The following AREL1 variants were observed in gnomAD, a reference collection of about 807,000 sequenced individuals.
AREL1 encodes apoptosis-resistant E3 ubiquitin protein ligase 1.
Under a neutral mutation model 99.0 loss-of-function variants are expected in AREL1, and 62 were observed. That is an observed-to-expected ratio of 0.63 (90% confidence interval 0.51 to 0.77). AREL1 has a LOEUF of 0.77. AREL1 is among the 30% of genes least tolerant of loss of function. The pLI is 0.00. For missense variants in AREL1, 879 were observed against 1,027.6 expected, an observed-to-expected ratio of 0.86 and a Z score of 1.98; for synonymous variants, 380 against 376.5, an observed-to-expected ratio of 1.01 and a Z score of -0.11.
chr14:74,680,214 A>C (rs529627500), intron 5 of AREL1, among the ~76,000 whole-genome samples: 74 of 149,794 alleles, frequency 4.9e-4, no homozygotes, highest in Non-Finnish European at 9.1e-4. Context: ...AAGAAAAGAA[A>C]AGAGAAAAGA....
chr14:74,678,368 C>G (rs747880282), intron 5 of AREL1: 21 of 343,866 alleles, frequency 6.1e-5, no homozygotes, highest in South Asian at 4.4e-4. Context: ...CACGGTGGTG[C>G]ACGCCTGTAG....
intron 16 of AREL1, 38 bp downstream of exon 16, chr14:74,667,427 T>A: frequency 6.2e-7 from 1 of 1,614,156 alleles, no homozygotes; most frequent in East Asian, 2.2e-5. Context: ...TGGATACAGG[T>A]ATTTTAACTT....
intron 1 of AREL1, chr14:74,698,776 CA>C (rs1566701155): frequency 4.2e-6 from 1 of 236,830 alleles, no homozygotes; most frequent in East Asian, 1.3e-4. Context: ...GTAATCCCAG[CA>C]CTTTGGGAGG....
chr14:74,676,575 C>T lies in AREL1; in HGVS notation c.651+8G>A. The T allele has an allele frequency of 6.2e-7, 1 of 1,611,642 alleles. No homozygotes were observed. Among genetic ancestry groups the T allele is most frequent in the Non-Finnish European group, 8.5e-7 (1 of 1,179,076 alleles). On this transcript the variant is annotated splice_region_variant and intron_variant, in intron 6 of 19. Transcript: ENST00000356357. ...CTAGCACACAGATAAAGAAGGGAGA[C>T]TGCTTACCTCATGAATGGACAAGGT...
intron 5 of AREL1, chr14:74,678,235 G>T (rs1338949143): frequency 2.2e-6 from 1 of 454,588 alleles, no homozygotes; most frequent in Admixed American, 2.4e-5. Flanking sequence ...CTTGGCTCAC[G>T]CCTGTAATCC....
chr14:74,676,970 T>C (rs1267495390), intron 5 of AREL1, among the ~76,000 whole-genome samples: 1 of 151,872 alleles, frequency 6.6e-6, no homozygotes, highest in Non-Finnish European at 1.5e-5. Context: ...AGAATTTTTT[T>C]TTGTATTTTT....
At chr14:74,708,226 A>G (rs1329992754) in intron 1 of AREL1, among the ~76,000 whole-genome samples, 2 of 152,216 alleles carry the variant, frequency 1.3e-5, no homozygotes, top group African/African-American at 4.8e-5. Flanking sequence ...TAAATTTAAA[A>G]TTATTCCACA....
chr14:74,681,581 T>C (rs976284714), intron 5 of AREL1, among the ~76,000 whole-genome samples: 2 of 152,016 alleles, frequency 1.3e-5, no homozygotes, highest in Admixed American at 6.6e-5. Flanking sequence ...GAGACCATCC[T>C]GGCCAACATG....
At chr14:74,666,271 C>T (rs912094537) in intron 17 of AREL1, among the ~76,000 whole-genome samples, 12 of 152,172 alleles carry the variant, frequency 7.9e-5, no homozygotes, top group African/African-American at 2.2e-4. Context: ...ATAGAAACTA[C>T]GGGAATTTAT....
chr14:74,699,606 A>G (rs546586831), intron 1 of AREL1, among the ~76,000 whole-genome samples: 1 of 152,330 alleles, frequency 6.6e-6, no homozygotes, highest in Non-Finnish European at 1.5e-5. Context: ...TAATATGTAT[A>G]TTATGTTCTG....
At chr14:74,664,959 TCAGAGAGACAA>T (rs2089180324) in intron 17 of AREL1, 34 bp from the exon 18 acceptor site, 1 of 1,583,022 alleles carries the variant, frequency 6.3e-7, no homozygotes, top group African/African-American at 1.4e-5. Flanking sequence ...ACTATGACAG[TCAGAGAGACAA>T]AGACCCAATA....
chr14:74,712,467 A>G (rs1000124777), intron 1 of AREL1, among the ~76,000 whole-genome samples: 3 of 152,218 alleles, frequency 2.0e-5, no homozygotes, highest in Non-Finnish European at 4.4e-5. Flanking sequence ...TCAAAGAAAA[A>G]AGCTACCTTT....
In AREL1 at chr14:74,661,276, T is replaced by C. The variant is rs1221312531; in HGVS notation, c.*2444A>G. 4.4e-6 allele frequency: 2 copies of C among 456,090 alleles called. No homozygotes were observed. The highest frequency in any genetic ancestry group is 2.0e-5 in the African/African-American group (1 of 50,054). The allele number at this position is 456,090 out of a possible 1,614,324, so 28.3% of individuals were successfully genotyped here. ...CTTAGTTCTTTTAAACATTTATTTATCTACTGTACAAAATATTTACATCAT... is the reference window on the plus strand; with the variant it reads ...CTTAGTTCTTTTAAACATTTATTTACCTACTGTACAAAATATTTACATCAT... On this transcript the variant is annotated 3_prime_UTR_variant, in exon 20 of 20. Transcript: ENST00000356357.
At chr14:74,670,509 A>G (rs553738666) in intron 13 of AREL1, 1 of 432,220 alleles carries the variant, frequency 2.3e-6, no homozygotes, top group East Asian at 3.7e-5. Context: ...TATTATAATA[A>G]TTAGTAGAGT....
Position 74,674,048 on chromosome 14 carries a change from A to G in AREL1, c.1144T>C (p.Cys382Arg). 2.5e-6 allele frequency: 4 copies of G among 1,613,088 alleles called. No homozygotes were observed. The highest frequency in any genetic ancestry group is 3.4e-6 in the Non-Finnish European group (4 of 1,179,134). The change falls in exon 9 of 20, where the codon TGT becomes CGT. Residue 382 changes from cysteine to arginine, a missense_variant. By Grantham distance (180) the Cys-to-Arg change is radical. Coordinates refer to ENST00000356357, the MANE Select transcript of AREL1 (RefSeq NM_001039479.2). The stretch of plus-strand genomic sequence containing the variant: ...GTTCAGCTTACTTTTGTTCCTGGAC[A>G]CACTCGGAAGGTGTAAAGGCGCCAG... ...IPWRLYTFRVCPGTKFSYLGP... is the reference protein window; with the variant it reads ...IPWRLYTFRVRPGTKFSYLGP...
At chr14:74,709,080 A>T (rs564605689) in intron 1 of AREL1, among the ~76,000 whole-genome samples, 8 of 152,358 alleles carry the variant, frequency 5.3e-5, no homozygotes. Context: ...CCTTCAAAGA[A>T]AAAGAAACCA....
At chr14:74,690,937 T>C (rs1347706247) in intron 2 of AREL1, 1 of 152,060 alleles carries the variant, frequency 6.6e-6, no homozygotes, top group African/African-American at 2.4e-5. Flanking sequence ...ATTATTCTCG[T>C]TTTATGGATT....
intron 1 of AREL1, among the ~76,000 whole-genome samples, chr14:74,710,455 T>G (rs2090258727): frequency 6.6e-6 from 1 of 152,156 alleles, no homozygotes; most frequent in South Asian, 2.1e-4. Context: ...AAATGCAAAT[T>G]ACTATTTAAT....
intron 1 of AREL1, among the ~76,000 whole-genome samples, chr14:74,698,552 G>A (rs1474172859): frequency 6.6e-6 from 1 of 152,180 alleles, no homozygotes; most frequent in Non-Finnish European, 1.5e-5. Context: ...AAAGTCACAA[G>A]GATAAATAAG....
Sources: allele counts gnomAD v4.1 joint callset (sites outside exome capture counted in the v4.1 genomes callset), GRCh38; gene constraint gnomAD v4.1.1; transcripts MANE v1.5; gene names NCBI Gene and HGNC (gene_info 2026-07-23, HGNC 2026-07-21).